Variants in LRRC4C observed in about 807,000 individuals in gnomAD.
The protein encoded by LRRC4C is leucine-rich repeat-containing protein 4C.
In LRRC4C, 5 loss-of-function variants were observed where a neutral mutation model predicts 33.6. That is an observed-to-expected ratio of 0.15 (90% CI 0.08 to 0.31). LRRC4C has a LOEUF of 0.31. LRRC4C is among the 10% of genes least tolerant of loss of function. The probability of loss-of-function intolerance (pLI) is 1.00; values close to 1 mark genes in which losing one functional copy is unlikely to be tolerated. For synonymous variants in LRRC4C, 329 were observed against 302.0 expected, an observed-to-expected ratio of 1.09 and a Z score of -0.93; for missense variants, 560 against 796.7, an observed-to-expected ratio of 0.70 and a Z score of 3.58.
At chr11:40,364,330 C>T (rs547140647) in intron 3 of LRRC4C, among the ~76,000 whole-genome samples, 1 of 152,044 alleles carries the variant, frequency 6.6e-6, no homozygotes, top group Non-Finnish European at 1.5e-5. Context: ...TATAAATATA[C>T]TCCTTATCTT....
intron 3 of LRRC4C, among the ~76,000 whole-genome samples, chr11:40,492,999 T>A (rs1042573294): frequency 6.6e-6 from 1 of 151,808 alleles, no homozygotes; most frequent in Non-Finnish European, 1.5e-5. Flanking sequence ...TACTTGAAAG[T>A]GGAAAACAGT....
rs200169102 is a variant in LRRC4C at position 40,349,413 on chromosome 11, A to G, written c.-269-29692T>C. Among the ~76,000 whole-genome samples the G allele has an allele frequency of 5.5e-5, 8 of 146,516 alleles. No individual in the cohort carries two copies. In the South Asian group the frequency reaches 1.3e-3, roughly 24 times the overall value. On this transcript the variant is annotated intron_variant, in intron 3 of 6. Coordinates refer to ENST00000528697, the MANE Select transcript of LRRC4C (RefSeq NM_001258419.2). ...AATGACAGAATCTCATTTTTTTTTTAATGGCTGAATAGTACTCTATTGTGT... is the reference window on the plus strand; with the variant it reads ...AATGACAGAATCTCATTTTTTTTTTGATGGCTGAATAGTACTCTATTGTGT...
In LRRC4C at chr11:40,381,272, C is replaced by T. The variant is rs913511948; in HGVS notation, c.-269-61551G>A. Among the ~76,000 whole-genome samples the T allele has an allele frequency of 6.1e-5, 9 of 148,718 alleles. No individual in the cohort carries two copies. The East Asian group carries it at 9.8e-4, about 16-fold the overall frequency. On this transcript the variant is annotated intron_variant, in intron 3 of 6. Transcript: ENST00000528697. ...TAGGTAATAAGGGAGTAGAATGCAA[C>T]GGTGGGGTCAATCTGAGGTAGATAA...
chr11:40,371,242 A>G lies in LRRC4C; in HGVS notation c.-269-51521T>C, dbSNP rs574579267. On this transcript the variant is annotated intron_variant, in intron 3 of 6. Coordinates refer to ENST00000528697, the MANE Select transcript of LRRC4C (RefSeq NM_001258419.2). ...AATTTGTGTCATTAAAAAAAATACA[A>G]GCAATTTCACAACATTACAAATTGC... is the stretch of plus-strand genomic sequence containing the variant. Among the ~76,000 whole-genome samples the G allele has an allele frequency of 3.9e-5, 6 of 152,318 alleles. No individual in the cohort carries two copies. The East Asian group carries it at 5.8e-4, about 15-fold the overall frequency.
chr11:41,320,931 G>C (rs1374539), intron 1 of LRRC4C, among the ~76,000 whole-genome samples: 113,984 of 151,980 alleles, frequency 0.75, 43,142 homozygotes, highest in Admixed American at 0.83. Flanking sequence ...AAGCAACTCT[G>C]AACTCCAAGA....
chr11:40,389,941 TGTTAGA>T (rs1949272843), intron 3 of LRRC4C, among the ~76,000 whole-genome samples: 1 of 151,988 alleles, frequency 6.6e-6, no homozygotes, highest in Admixed American at 6.6e-5. Flanking sequence ...GCTTATAGAG[TGTTAGA>T]GTTAGAAGTC....
intron 3 of LRRC4C, among the ~76,000 whole-genome samples, chr11:40,500,289 T>C (rs914712655): frequency 4.8e-5 from 4 of 83,624 alleles, no homozygotes; most frequent in South Asian, 8.2e-4. Context: ...TATATATATA[T>C]ATATACACAC....
Position 40,396,979 on chromosome 11 carries a change from C to G in LRRC4C, c.-269-77258G>C, listed in dbSNP as rs910800498. On this transcript the variant is annotated intron_variant, in intron 3 of 6. Coordinates refer to ENST00000528697, the MANE Select transcript of LRRC4C (RefSeq NM_001258419.2). ...CTTAAATTGATACATTAACCATGCA[C>G]AGAACCAACCAACATATTAGAAAAA... 5.9e-5 allele frequency among the ~76,000 whole-genome samples: 9 copies of G among 152,132 alleles called. No individual in the cohort carries two copies. In the South Asian group the frequency reaches 1.5e-3, roughly 25 times the overall value.
chr11:40,614,640 T>C (rs1262264163), intron 3 of LRRC4C, among the ~76,000 whole-genome samples: 2 of 151,746 alleles, frequency 1.3e-5, no homozygotes, highest in African/African-American at 4.8e-5. Flanking sequence ...AGCTTTTGAC[T>C]TGCCTTCTTC....
intron 1 of LRRC4C, among the ~76,000 whole-genome samples, chr11:41,370,738 C>G (rs555082241): frequency 6.6e-6 from 1 of 152,194 alleles, no homozygotes; most frequent in African/African-American, 2.4e-5. Context: ...GAGACATGGT[C>G]CCACTATATT....
intron 3 of LRRC4C, among the ~76,000 whole-genome samples, chr11:40,371,130 C>T (rs905406490): frequency 1.3e-5 from 2 of 151,988 alleles, no homozygotes; most frequent in African/African-American, 2.4e-5. Flanking sequence ...TTTATAGGAA[C>T]GTTTCCCCAA....
chr11:41,208,731 T>C (rs1262783057), intron 1 of LRRC4C, among the ~76,000 whole-genome samples: 1 of 152,160 alleles, frequency 6.6e-6, no homozygotes, highest in Non-Finnish European at 1.5e-5. Flanking sequence ...AATTCAGAGA[T>C]CATCTGGGCT....
chr11:40,798,343 T>TAC (rs1415040280), intron 2 of LRRC4C, among the ~76,000 whole-genome samples: 2 of 152,164 alleles, frequency 1.3e-5, no homozygotes, highest in Admixed American at 1.3e-4. Context: ...CAACATCACA[T>TAC]ACACACACAT....
chr11:40,600,090 C>T (rs1243593117), intron 3 of LRRC4C, among the ~76,000 whole-genome samples: 2 of 152,120 alleles, frequency 1.3e-5, no homozygotes, highest in African/African-American at 2.4e-5. Flanking sequence ...TAACTCTGTG[C>T]ATAGTTTGCT....
At position 40,200,646 on chromosome 11, in the gene LRRC4C, C is replaced by T. The variant is rs1442832440; in HGVS notation, c.-96+40873G>A. ...CTCAATAAACATGCCTTTCTCAGTT[C>T]CCCGTAGTTTATTACCTTTGGTCAT... On this transcript the variant is annotated intron_variant, in intron 5 of 6. Transcript: ENST00000528697. 2.0e-5 allele frequency among the ~76,000 whole-genome samples: 3 copies of T among 151,206 alleles called. No homozygotes were observed. In the East Asian group the frequency reaches 5.9e-4, roughly 30 times the overall value.
At chr11:40,577,326 A>G (rs1958235097) in intron 3 of LRRC4C, among the ~76,000 whole-genome samples, 1 of 152,210 alleles carries the variant, frequency 6.6e-6, no homozygotes, top group African/African-American at 2.4e-5. Context: ...ATAAATGCAC[A>G]ATACAGACTG....
intron 6 of LRRC4C, among the ~76,000 whole-genome samples, chr11:40,118,216 T>A (rs993658892): frequency 3.1e-4 from 46 of 148,300 alleles, no homozygotes; most frequent in Non-Finnish European, 6.4e-4. Context: ...AAATAACAAA[T>A]ATAATTATTA....
rs535187419 is a variant in LRRC4C at position 41,027,191 on chromosome 11, T to A, written c.-495-93468A>T. ...CAATACAATTACTATATTTTTAAAATAAAGACTTAGAAAAAAAGAAGGAAG... is the reference window on the plus strand; with the variant it reads ...CAATACAATTACTATATTTTTAAAAAAAAGACTTAGAAAAAAAGAAGGAAG... On this transcript the variant is annotated intron_variant, in intron 1 of 6. Coordinates refer to ENST00000528697, the MANE Select transcript of LRRC4C (RefSeq NM_001258419.2). 2.6e-5 allele frequency among the ~76,000 whole-genome samples: 4 copies of A among 151,736 alleles called. No individual in the cohort carries two copies. In the South Asian group the frequency reaches 8.3e-4, roughly 31 times the overall value.
chr11:40,134,206 A>G (rs551072783), intron 6 of LRRC4C, among the ~76,000 whole-genome samples: 17 of 152,330 alleles, frequency 1.1e-4, no homozygotes, highest in Admixed American at 1.1e-3. Context: ...AGCCTGTGCA[A>G]CATAGCAAGA....
Sources: allele counts gnomAD v4.1 joint callset (sites outside exome capture counted in the v4.1 genomes callset), GRCh38; gene constraint gnomAD v4.1.1; transcripts MANE v1.5; gene names NCBI Gene and HGNC (gene_info 2026-07-23, HGNC 2026-07-21).